The following C12orf42 variants were observed in gnomAD, a reference collection of about 807,000 sequenced individuals.
C12orf42 encodes the protein uncharacterized protein C12orf42.
A neutral mutation model predicts 21.6 loss-of-function variants in C12orf42; 25 were observed. The observed-to-expected ratio is 1.16, with a 90% CI of 0.84 to 1.62. The LOEUF is 1.62. Among genes scored for constraint, C12orf42 ranks in the 40% most tolerant of loss-of-function variants. The probability of loss-of-function intolerance (pLI) is 0.00; values close to 1 mark genes in which losing one functional copy is unlikely to be tolerated. For missense variants in C12orf42, 483 were observed against 459.3 expected (o/e 1.05, Z -0.47); for synonymous variants, 174 against 175.0 (o/e 0.99, Z 0.05).
the C12orf42 span, among the ~76,000 whole-genome samples, chr12:103,508,064 A>G: frequency 6.6e-6 from 1 of 152,184 alleles, no homozygotes; most frequent in Non-Finnish European, 1.5e-5. Flanking sequence ...TATCCATACA[A>G]TGAGTCCAAT....
the C12orf42 span, among the ~76,000 whole-genome samples, chr12:103,147,733 A>T: frequency 6.7e-6 from 1 of 149,966 alleles, no homozygotes; most frequent in Non-Finnish European, 1.5e-5. Flanking sequence ...GGTACAGTAT[A>T]TGTCACCGTG....
chr12:103,222,319 T>C, the C12orf42 span, among the ~76,000 whole-genome samples: 3 of 148,862 alleles, frequency 2.0e-5, no homozygotes, highest in South Asian at 6.6e-4. Flanking sequence ...GAGTGGGGGG[T>C]TGCAAGGTGC....
At chr12:103,411,281 C>T (rs920677609) in intron 2 of C12orf42, among the ~76,000 whole-genome samples, 1 of 152,010 alleles carries the variant, frequency 6.6e-6, no homozygotes, top group African/African-American at 2.4e-5. Flanking sequence ...TATTAATATG[C>T]AAAAGTTTTA....
intron 2 of C12orf42, among the ~76,000 whole-genome samples, chr12:103,406,149 C>T (rs895371833): frequency 3.9e-5 from 6 of 152,138 alleles, no homozygotes; most frequent in South Asian, 4.2e-4. Flanking sequence ...CTTGAAGGCA[C>T]GTACTACTAA....
At chr12:103,136,868 T>G in the C12orf42 span, among the ~76,000 whole-genome samples, 6 of 152,212 alleles carry the variant, frequency 3.9e-5, no homozygotes, top group Admixed American at 2.6e-4. Context: ...CTCTCACCAC[T>G]TAGAAAAATA....
chr12:103,371,745 AT>A (rs1259388256), intron 3 of C12orf42, among the ~76,000 whole-genome samples: 1 of 152,128 alleles, frequency 6.6e-6, no homozygotes, highest in Non-Finnish European at 1.5e-5. Context: ...AGCAGGGGTT[AT>A]AAAATCATGT....
At chr12:103,289,735 A>C (rs7956476) in intron 4 of C12orf42, among the ~76,000 whole-genome samples, 22,830 of 152,104 alleles carry the variant, frequency 0.15, 1,794 homozygotes, top group South Asian at 0.22. Flanking sequence ...CAGCTTATGG[A>C]ACAATGTGTG....
chr12:103,332,436 C>T (rs986829606), intron 4 of C12orf42, among the ~76,000 whole-genome samples: 2 of 152,166 alleles, frequency 1.3e-5, no homozygotes, highest in African/African-American at 4.8e-5. Context: ...AGACTGAGAA[C>T]AGCACAGAGA....
chr12:103,432,709 G>A (rs904332688), intron 2 of C12orf42, among the ~76,000 whole-genome samples: 11 of 152,186 alleles, frequency 7.2e-5, no homozygotes, highest in African/African-American at 2.7e-4. Context: ...GGTTAGATAA[G>A]TTGGTACAGG....
chr12:103,086,076 T>A, the C12orf42 span, among the ~76,000 whole-genome samples: 1 of 152,184 alleles, frequency 6.6e-6, no homozygotes, highest in Non-Finnish European at 1.5e-5. Flanking sequence ...TTCTCCCACA[T>A]TCACTCCTTT....
intron 4 of C12orf42, among the ~76,000 whole-genome samples, chr12:103,316,888 T>A (rs905668460): frequency 6.6e-5 from 10 of 152,142 alleles, no homozygotes; most frequent in Non-Finnish European, 1.2e-4. Flanking sequence ...AGTGTCACCC[T>A]ACTCCATGTC....
rs190947616 is a variant in C12orf42 at position 103,368,132 on chromosome 12, G to A, written c.259+755C>T. On this transcript the variant is annotated intron_variant, in intron 4 of 5. Transcript: ENST00000548883. The stretch of plus-strand genomic sequence containing the variant: ...CTAAAAATGGAGTTTATGGACAGTC[G>A]CAGGTTGTCAAAATCATCTATGGTG... 4.2e-4 allele frequency: 453 copies of A among 1,086,660 alleles called. 1 individual carries two copies. The African/African-American group carries it at 4.9e-3, about 12-fold the overall frequency. The allele number at this position is 1,086,660 out of a possible 1,614,324, so 67.3% of individuals were successfully genotyped here.
chr12:103,155,773 A>G, the C12orf42 span, among the ~76,000 whole-genome samples: 15 of 149,768 alleles, frequency 1.0e-4, no homozygotes, highest in Admixed American at 1.0e-3. Context: ...GTGTATATAT[A>G]CATATAGTAA....
intron 2 of C12orf42, among the ~76,000 whole-genome samples, chr12:103,433,275 T>C (rs967116208): frequency 5.3e-5 from 8 of 152,240 alleles, no homozygotes; most frequent in Non-Finnish European, 8.8e-5. Flanking sequence ...TTTTTCTTTA[T>C]ACAAATACTG....
the C12orf42 span, among the ~76,000 whole-genome samples, chr12:103,508,464 A>G: frequency 6.6e-6 from 1 of 152,160 alleles, no homozygotes; most frequent in African/African-American, 2.4e-5. Flanking sequence ...TAGGAAAAAA[A>G]AGTCCCAAGC....
intron 4 of C12orf42, chr12:103,367,940 G>T: frequency 3.1e-6 from 2 of 635,142 alleles, no homozygotes; most frequent in South Asian, 3.8e-5. Context: ...AATTTTATTA[G>T]CATATAAATA....
the C12orf42 span, among the ~76,000 whole-genome samples, chr12:103,519,388 G>T: frequency 3.3e-5 from 5 of 152,034 alleles, no homozygotes; most frequent in Non-Finnish European, 5.9e-5. Context: ...TAGATACTTA[G>T]TACCATGTAC....
the C12orf42 span, among the ~76,000 whole-genome samples, chr12:103,113,804 T>C: frequency 1.3e-5 from 2 of 152,372 alleles, no homozygotes; most frequent in South Asian, 4.1e-4. Flanking sequence ...TACTGTGGAA[T>C]TCTTCCAATA....
the C12orf42 span, among the ~76,000 whole-genome samples, chr12:103,531,402 T>C: frequency 2.6e-5 from 4 of 152,224 alleles, no homozygotes; most frequent in Non-Finnish European, 5.9e-5. Flanking sequence ...CCTACCCTTC[T>C]GTCAGAATGT....
Sources: allele counts gnomAD v4.1 joint callset (sites outside exome capture counted in the v4.1 genomes callset), GRCh38; gene constraint gnomAD v4.1.1; transcripts MANE v1.5; gene names NCBI Gene and HGNC (gene_info 2026-07-23, HGNC 2026-07-21).